SLC3A2: variants seen among roughly 807,000 people sequenced by gnomAD.
SLC3A2 encodes the protein amino acid transporter heavy chain SLC3A2.
A neutral mutation model predicts 48.5 loss-of-function variants in SLC3A2; 32 were observed. The observed-to-expected ratio is 0.66, with a 90% CI of 0.50 to 0.89. The LOEUF (loss-of-function observed/expected upper bound fraction) is 0.89, where lower values mean the gene tolerates loss of function less well. Among genes scored for constraint, SLC3A2 ranks in the 40% least tolerant of loss-of-function variants. The pLI is 0.00. For synonymous variants in SLC3A2, 277 were observed against 288.8 expected (o/e 0.96, Z 0.41); for missense variants, 587 against 680.7 (o/e 0.86, Z 1.53).
At chr11:62,871,572 T>C in intron 1 of SLC3A2, 1 of 643,966 alleles carries the variant, frequency 1.6e-6, no homozygotes, top group Non-Finnish European at 2.8e-6. Context: ...TATTATTATT[T>C]GTAGAGACGG....
At chr11:62,862,465 C>G (rs1053934935) in intron 1 of SLC3A2, among the ~76,000 whole-genome samples, 1 of 151,228 alleles carries the variant, frequency 6.6e-6, no homozygotes, top group Non-Finnish European at 1.5e-5. Context: ...GCCTGGGCAA[C>G]ATAGTAAGAT....
intron 2 of SLC3A2, chr11:62,882,580 G>T (rs2085656870): frequency 6.3e-6 from 2 of 316,596 alleles, no homozygotes; most frequent in South Asian, 5.9e-5. Flanking sequence ...CTCCCCCAGG[G>T]TTCAAGCGAT....
rs1400814697 is a variant in SLC3A2 at position 62,881,802 on chromosome 11, C to T, written c.425-91C>T. ...CCTCTCTCCCCCTTTGCCCCCTCCC[C>T]GTCCCACCCTTAGGCGCTGGGAGAA... On this transcript the variant is annotated intron_variant, in intron 1 of 8. Coordinates refer to ENST00000338663, the MANE Select transcript of SLC3A2 (RefSeq NM_001013251.3). The surrounding 1 kb of genome is among the most constrained non-coding windows in gnomAD (Gnocchi z 4.0). 1.2e-5 allele frequency: 17 copies of T among 1,458,202 alleles called. No homozygotes were observed. The Admixed American group carries it at 1.6e-4, about 14-fold the overall frequency. The allele number at this position is 1,458,202 out of a possible 1,614,324, so 90.3% of individuals were successfully genotyped here. A position where few individuals can be genotyped will look rare whatever the true frequency, so the allele number is the denominator to read the frequency against.
At chr11:62,864,253 G>A (rs2085429332) in intron 1 of SLC3A2, among the ~76,000 whole-genome samples, 1 of 151,990 alleles carries the variant, frequency 6.6e-6, no homozygotes, top group Admixed American at 6.6e-5. Flanking sequence ...CTTAGGCCAA[G>A]GACCCAATGC....
intron 1 of SLC3A2, among the ~76,000 whole-genome samples, chr11:62,868,269 G>A (rs2085474105): frequency 6.6e-6 from 1 of 151,688 alleles, no homozygotes; most frequent in South Asian, 2.1e-4. Flanking sequence ...GTGCTGCAGT[G>A]AAATCTTTTA....
chr11:62,883,144 C>A, intron 3 of SLC3A2, 145 bp downstream of exon 3: 1 of 688,684 alleles, frequency 1.5e-6, no homozygotes, highest in South Asian at 1.6e-5. Context: ...CTCCTATAGC[C>A]AAAGGATAGG....
chr11:62,885,609 G>C lies in SLC3A2; in HGVS notation c.1143+1G>C. 1 of 1,614,006 alleles carries C rather than the reference G, an allele frequency of 6.2e-7. No individual in the cohort carries two copies. Among genetic ancestry groups the C allele is most frequent in the Non-Finnish European group, 8.5e-7 (1 of 1,179,924 alleles). On this transcript the variant is annotated splice_donor_variant, in intron 7 of 8. Coordinates refer to ENST00000338663, the MANE Select transcript of SLC3A2 (RefSeq NM_001013251.3). LOFTEE classifies it high-confidence loss of function. The stretch of plus-strand genomic sequence containing the variant: ...GGATGCAGCTGCCCTTCCTGGACAG[G>C]TACTGCTTGCTGTCTTTCTGTCACA...
chr11:62,868,064 G>A (rs2085472231), intron 1 of SLC3A2, among the ~76,000 whole-genome samples: 1 of 151,808 alleles, frequency 6.6e-6, no homozygotes, highest in Non-Finnish European at 1.5e-5. Context: ...TGCGATTACA[G>A]CCTCCTGCCA....
At chr11:62,868,046 T>C (rs912514531) in intron 1 of SLC3A2, among the ~76,000 whole-genome samples, 2 of 151,894 alleles carry the variant, frequency 1.3e-5, no homozygotes, top group African/African-American at 4.8e-5. Context: ...CTCAGCCTCC[T>C]GAGTAGCTGC....
intron 1 of SLC3A2, among the ~76,000 whole-genome samples, chr11:62,869,460 G>A (rs2085488103): frequency 6.9e-6 from 1 of 144,210 alleles, no homozygotes; most frequent in Non-Finnish European, 1.5e-5. Context: ...GGAGGCGGAG[G>A]TTGCAGTGAG....
intron 1 of SLC3A2, among the ~76,000 whole-genome samples, chr11:62,861,658 G>A (rs1218095182): frequency 6.6e-6 from 1 of 152,088 alleles, no homozygotes; most frequent in African/African-American, 2.4e-5. Context: ...GCTCATGCCT[G>A]TAATTCCAGC....
chr11:62,882,706 ACTCGC>A, intron 2 of SLC3A2, 197 bp from the exon 3 acceptor site: 1 of 551,498 alleles, frequency 1.8e-6, no homozygotes, highest in Non-Finnish European at 3.3e-6. Context: ...CTGGTTTTGA[ACTCGC>A]CTGGCCTGCC....
chr11:62,862,333 CAAAAAAA>C (rs71065311), intron 1 of SLC3A2, among the ~76,000 whole-genome samples: 2 of 55,910 alleles, frequency 3.6e-5, no homozygotes, highest in East Asian at 6.8e-4. Context: ...GACTCTGTCT[CAAAAAAA>C]AAAAAAAAAA....
At chr11:62,880,511 G>A (rs1472523788), upstream of SLC3A2, 2 of 152,862 alleles carry the variant, frequency 1.3e-5, no homozygotes, top group South Asian at 2.0e-4. Context: ...ACCAGACGGC[G>A]GCCGGAGCCG....
intron 1 of SLC3A2, among the ~76,000 whole-genome samples, chr11:62,863,463 C>A (rs2085422536): frequency 6.6e-6 from 1 of 152,080 alleles, no homozygotes; most frequent in Non-Finnish European, 1.5e-5. Flanking sequence ...CTCAAGCGAC[C>A]AAATTGCTGG....
At chr11:62,876,835 C>T (rs2085575527), upstream of SLC3A2, 1 of 819,750 alleles carries the variant, frequency 1.2e-6, no homozygotes, top group Non-Finnish European at 1.6e-6. Flanking sequence ...TTCCTGACCT[C>T]AATTGATCCG....
intron 7 of SLC3A2, 129 bp downstream of exon 7, chr11:62,885,737 T>C: frequency 1.0e-6 from 1 of 1,003,828 alleles, no homozygotes; most frequent in South Asian, 1.6e-5. Flanking sequence ...AGTAGCTGAG[T>C]GGCTATGTGG....
intron 1 of SLC3A2, among the ~76,000 whole-genome samples, chr11:62,872,743 C>T (rs559594150): frequency 2.5e-4 from 38 of 152,184 alleles, no homozygotes; most frequent in Admixed American, 6.5e-4. Flanking sequence ...GCTAGGATTA[C>T]AGGCATGTGC....
intron 1 of SLC3A2, among the ~76,000 whole-genome samples, chr11:62,861,133 A>C (rs2085393715): frequency 6.6e-6 from 1 of 151,976 alleles, no homozygotes; most frequent in Admixed American, 6.6e-5. Flanking sequence ...TGAGCCCAGG[A>C]GTTTGAGACC....
Sources: allele counts gnomAD v4.1 joint callset (sites outside exome capture counted in the v4.1 genomes callset), GRCh38; gene constraint gnomAD v4.1.1; non-coding constraint Gnocchi (gnomAD v3.1); transcripts MANE v1.5; gene names NCBI Gene and HGNC (gene_info 2026-07-23, HGNC 2026-07-21).